Variants in ULK4 observed in about 807,000 individuals in gnomAD.
The protein encoded by ULK4 is unc-51 like kinase 4.
A neutral mutation model predicts 160.6 loss-of-function variants in ULK4; 133 were observed. The observed-to-expected ratio is 0.83, with a 90% CI of 0.72 to 0.96. ULK4 has a LOEUF of 0.96. ULK4 is among the 40% of genes least tolerant of loss of function. ULK4 has a pLI of 0.00. For missense variants in ULK4, 1,580 were observed against 1,499.5 expected (o/e 1.05, Z -0.89); for synonymous variants, 534 against 539.8 (o/e 0.99, Z 0.15).
At chr3:41,856,640 T>C (rs1311959649) in intron 17 of ULK4, among the ~76,000 whole-genome samples, 2 of 142,090 alleles carry the variant, frequency 1.4e-5, no homozygotes, top group African/African-American at 2.6e-5. Context: ...TGTATATATA[T>C]GTAAGCTCAA....
intron 30 of ULK4, among the ~76,000 whole-genome samples, chr3:41,654,012 C>T (rs562726692): frequency 7.2e-5 from 11 of 152,176 alleles, no homozygotes; most frequent in Non-Finnish European, 1.5e-4. Context: ...TCACTTCTGA[C>T]CCAGAAATAA....
intron 23 of ULK4, 79 bp downstream of exon 23, chr3:41,717,649 A>T: frequency 2.0e-6 from 3 of 1,538,054 alleles, no homozygotes; most frequent in Non-Finnish European, 2.7e-6. Context: ...AGTAAGAATA[A>T]AAAAGAACTG....
At chr3:41,859,780 C>T (rs1161642421) in intron 17 of ULK4, among the ~76,000 whole-genome samples, 3 of 151,932 alleles carry the variant, frequency 2.0e-5, no homozygotes, top group Non-Finnish European at 2.9e-5. Flanking sequence ...GCCTTGGCCT[C>T]CCCAGTAGCT....
intron 1 of ULK4, among the ~76,000 whole-genome samples, chr3:41,961,428 G>C (rs1700662546): frequency 6.6e-6 from 1 of 152,100 alleles, no homozygotes; most frequent in Admixed American, 6.5e-5. Context: ...CGAAATGCCA[G>C]CCAAATCAAC....
At chr3:41,639,332 T>C (rs2034089601) in intron 30 of ULK4, among the ~76,000 whole-genome samples, 1 of 152,142 alleles carries the variant, frequency 6.6e-6, no homozygotes, top group African/African-American at 2.4e-5. Context: ...AGAAGCAAAA[T>C]AAATGTTTGA....
intron 17 of ULK4, among the ~76,000 whole-genome samples, chr3:41,841,845 C>A (rs1281820169): frequency 1.3e-5 from 2 of 152,074 alleles, no homozygotes; most frequent in African/African-American, 4.8e-5. Flanking sequence ...TACCCCCAAC[C>A]CCGTGCTCTC....
chr3:41,368,064 T>C (rs1469579203), intron 35 of ULK4, among the ~76,000 whole-genome samples: 6 of 151,888 alleles, frequency 4.0e-5, no homozygotes, highest in African/African-American at 9.7e-5. Context: ...TTTTTTTTTT[T>C]CGAGATGGAG....
rs758296413 is a variant in ULK4 at position 41,717,854 on chromosome 3, T to C, written c.2329A>G (p.Met777Val). 1.2e-6 allele frequency: 2 copies of C among 1,613,976 alleles called. No homozygotes were observed. The highest frequency in any genetic ancestry group is 1.7e-6 in the Non-Finnish European group (2 of 1,179,916). The change falls in exon 23 of 37, where the codon ATG (methionine) becomes GTG (valine). Residue 777 changes from methionine (M) to valine (V), a missense_variant. By Grantham distance (21) the Met-to-Val change is conservative. Coordinates refer to ENST00000301831, the MANE Select transcript of ULK4 (RefSeq NM_017886.4). ...LLLSCQARLV[M>V]YIERDSRKTT... ...TTTCTGCTGTCTCTCTCGATGTACA[T>C]CACCAGTCTACATACAGGAAAGTGC...
At chr3:41,953,933 C>T (rs548652606) in intron 2 of ULK4, among the ~76,000 whole-genome samples, 2 of 152,054 alleles carry the variant, frequency 1.3e-5, no homozygotes, top group East Asian at 3.9e-4. Flanking sequence ...CCTGTAATCC[C>T]AGCACTTTGG....
chr3:41,463,041 G>C, intron 33 of ULK4, 46 bp downstream of exon 33: 1 of 1,574,244 alleles, frequency 6.4e-7, no homozygotes, highest in South Asian at 1.2e-5. Flanking sequence ...AGGGAAGCAT[G>C]AAATGGAGTA....
intron 32 of ULK4, among the ~76,000 whole-genome samples, chr3:41,523,010 C>G (rs758378949): frequency 6.6e-6 from 1 of 152,156 alleles, no homozygotes; most frequent in East Asian, 1.9e-4. Flanking sequence ...CTCCCAGGTT[C>G]AAGCGATTCT....
chr3:41,690,338 GC>G (rs1490633787), intron 27 of ULK4, among the ~76,000 whole-genome samples: 3 of 151,374 alleles, frequency 2.0e-5, no homozygotes, highest in African/African-American at 7.2e-5. Flanking sequence ...TATACCTAAT[GC>G]TAAATGACGA....
intron 16 of ULK4, among the ~76,000 whole-genome samples, chr3:41,884,490 C>T (rs1697646040): frequency 6.6e-6 from 1 of 152,156 alleles, no homozygotes; most frequent in Non-Finnish European, 1.5e-5. Flanking sequence ...CAGCAGAAAA[C>T]TGAAGTGGAT....
intron 31 of ULK4, among the ~76,000 whole-genome samples, chr3:41,574,531 CTTTTT>C (rs568406782): frequency 4.4e-4 from 41 of 92,156 alleles, no homozygotes; most frequent in South Asian, 1.2e-3. Flanking sequence ...CCAGAGTCCT[CTTTTT>C]TTTTTTTTTT....
At chr3:41,586,623 G>T (rs973673039) in intron 31 of ULK4, among the ~76,000 whole-genome samples, 24 of 152,064 alleles carry the variant, frequency 1.6e-4, no homozygotes, top group African/African-American at 5.8e-4. Flanking sequence ...TTTAAAAATT[G>T]TTAAAATGGT....
intron 30 of ULK4, among the ~76,000 whole-genome samples, chr3:41,640,614 A>G (rs1485468678): frequency 6.6e-6 from 1 of 152,088 alleles, no homozygotes; most frequent in African/African-American, 2.4e-5. Context: ...CACTGCCCCA[A>G]ATTTTGTCTC....
chr3:41,300,935 G>C (rs2079783581), intron 35 of ULK4, among the ~76,000 whole-genome samples: 1 of 141,430 alleles, frequency 7.1e-6, no homozygotes, highest in Non-Finnish European at 1.5e-5. Flanking sequence ...TCACAACAGG[G>C]AAGTGGTTGA....
chr3:41,814,539 C>T (rs1017022008), intron 19 of ULK4, among the ~76,000 whole-genome samples: 1 of 152,050 alleles, frequency 6.6e-6, no homozygotes, highest in Non-Finnish European at 1.5e-5. Context: ...AGATATAGAT[C>T]TTCTAGGTCT....
intron 34 of ULK4, among the ~76,000 whole-genome samples, chr3:41,411,978 G>A (rs916974691): frequency 1.3e-5 from 2 of 152,074 alleles, no homozygotes; most frequent in Non-Finnish European, 2.9e-5. Context: ...TCCACCCAGT[G>A]GCATCCAGAT....
Sources: allele counts gnomAD v4.1 joint callset (sites outside exome capture counted in the v4.1 genomes callset), GRCh38; gene constraint gnomAD v4.1.1; transcripts MANE v1.5; gene names NCBI Gene and HGNC (gene_info 2026-07-23, HGNC 2026-07-21).